The following RASSF1 variants were observed in gnomAD, a reference collection of about 807,000 sequenced individuals.
RASSF1 encodes the protein Ras association domain family member 1.
A neutral mutation model predicts 34.3 loss-of-function variants in RASSF1; 33 were observed. The observed-to-expected ratio is 0.96, with a 90% CI of 0.73 to 1.29. The LOEUF is 1.29. RASSF1 is among the 50% of genes most tolerant of loss of function. The probability of loss-of-function intolerance (pLI) is 0.00; values close to 1 mark genes in which losing one functional copy is unlikely to be tolerated. For missense variants in RASSF1, 445 were observed against 471.8 expected (o/e 0.94, Z 0.53); for synonymous variants, 191 against 195.0 (o/e 0.98, Z 0.17).
chr3:50,337,995 G>T lies in RASSF1; in HGVS notation c.267C>A (p.Cys89Ter). The change falls in exon 2 of 6, where the codon TGC becomes TGA. Residue 89 changes from cysteine to a stop codon, truncating the protein, a stop_gained. Coordinates refer to ENST00000359365, the MANE Select transcript of RASSF1 (RefSeq NM_007182.5). LOFTEE classifies it high-confidence loss of function. ...AGACGAGCGCGCGGCAGCGGTAGTG[G>T]CAGGTGAACTTGCAATCTGCAGAGA... is the stretch of plus-strand genomic sequence containing the variant. ...GLQCAHCKFT[C>*]HYRCRALVCL... is the part of the protein sequence containing the mutation. The T allele has an allele frequency of 6.3e-7, 1 of 1,596,412 alleles. No homozygotes were observed. The highest frequency in any genetic ancestry group is 8.5e-7 in the Non-Finnish European group (1 of 1,171,778).
At chr3:50,337,720 G>T in intron 2 of RASSF1, 185 bp downstream of exon 2, 1 of 838,434 alleles carries the variant, frequency 1.2e-6, no homozygotes, top group Non-Finnish European at 1.8e-6. Context: ...AGCGGGTGGA[G>T]TACTTGCGGA....
chr3:50,338,307 C>T, intron 1 of RASSF1: 1 of 956,320 alleles, frequency 1.0e-6, no homozygotes, highest in Non-Finnish European at 1.3e-6. Flanking sequence ...AAAACTGCGT[C>T]TTGCTTTTGT....
Position 50,337,980 on chromosome 3 carries a change from G to T in RASSF1, c.282C>A (p.Arg94=). The T allele has an allele frequency of 1.2e-6, 2 of 1,607,090 alleles. No homozygotes were observed. Among genetic ancestry groups the T allele is most frequent in the Non-Finnish European group, 1.7e-6 (2 of 1,176,994 alleles). Reference sequence around the variant, plus strand: ...CGCAACAGTCCAGGCAGACGAGCGCGCGGCAGCGGTAGTGGCAGGTGAACT... The same window carrying T: ...CGCAACAGTCCAGGCAGACGAGCGCTCGGCAGCGGTAGTGGCAGGTGAACT... The part of the protein sequence containing the change: ...HCKFTCHYRC[R]ALVCLDCCGP... Residue 94 remains arginine, a synonymous_variant, in exon 2 of 6, where the codon CGC becomes CGA. Coordinates refer to ENST00000359365, the MANE Select transcript of RASSF1 (RefSeq NM_007182.5).
In RASSF1 at chr3:50,331,341, T is replaced by C; in HGVS notation, c.869A>G (p.Glu290Gly). The C allele has an allele frequency of 1.3e-6, 2 of 1,585,414 alleles. No homozygotes were observed. Among genetic ancestry groups the C allele is most frequent in the Non-Finnish European group, 1.7e-6 (2 of 1,162,504 alleles). The change falls in exon 5 of 6, where the codon GAG becomes GGG. Residue 290 changes from glutamate to glycine, a missense_variant. Coordinates refer to ENST00000359365, the MANE Select transcript of RASSF1 (RefSeq NM_007182.5). ...SFVLKENDSGEVNWDAFSMPE... is the reference protein window; with the variant it reads ...SFVLKENDSGGVNWDAFSMPE... ...TAAGAACTATGTACTCACGTTCACCTCCCCAGAGTCATTTTCCTTCAGGAC... is the reference window on the plus strand; with the variant it reads ...TAAGAACTATGTACTCACGTTCACCCCCCCAGAGTCATTTTCCTTCAGGAC...
rs765311131 is a variant in RASSF1, at chr3:50,340,772, C to A, written c.34G>T (p.Glu12Ter). The A allele has an allele frequency of 5.3e-6, 8 of 1,513,350 alleles. No homozygotes were observed. The highest frequency in any genetic ancestry group is 6.1e-6 in the Non-Finnish European group (7 of 1,140,698). 93.7% of individuals were successfully genotyped at this position (1,513,350 alleles called of 1,614,324 possible). ...CCAGCGCGCCCAGCGGGTGCCAGCTCCCGCAGCTCAATGAGCTCAGGCTCC... is the reference window on the plus strand; with the variant it reads ...CCAGCGCGCCCAGCGGGTGCCAGCTACCGCAGCTCAATGAGCTCAGGCTCC... ...SGEPELIELR[E>*]LAPAGRAGKG... Residue 12 changes from glutamate (E) to a stop codon, truncating the protein, a stop_gained, in exon 1 of 6, where the codon GAG becomes TAG. Transcript: ENST00000359365. LOFTEE classifies it high-confidence loss of function.
At position 50,337,931 on chromosome 3, in the gene RASSF1, G is replaced by C; in HGVS notation, c.331C>G (p.Pro111Ala). 1.2e-6 allele frequency: 2 copies of C among 1,612,168 alleles called. No individual in the cohort carries two copies. The highest frequency in any genetic ancestry group is 1.7e-4 in the Middle Eastern group (1 of 6,056). The change falls in exon 2 of 6, where the codon CCC (proline) becomes GCC (alanine). Residue 111 changes from proline to alanine, a missense_variant. Pro to Ala is a conservative substitution (Grantham distance 27, BLOSUM62 -1). Coordinates refer to ENST00000359365, the MANE Select transcript of RASSF1 (RefSeq NM_007182.5). ...CCGPRDLGWEPAVERDTNVDE... is the reference protein window; with the variant it reads ...CCGPRDLGWEAAVERDTNVDE... ...ACGTTCGTGTCCCGCTCCACCGCGGGTTCCCAGCCCAGGTCCCGGGGCCCG... is the reference window on the plus strand; with the variant it reads ...ACGTTCGTGTCCCGCTCCACCGCGGCTTCCCAGCCCAGGTCCCGGGGCCCG...
intron 2 of RASSF1, chr3:50,337,416 GCC>G: frequency 6.3e-7 from 1 of 1,581,158 alleles, no homozygotes; most frequent in Non-Finnish European, 8.6e-7. Flanking sequence ...GTGCGCGTGC[GCC>G]CGGGCCAGAG....
Position 50,340,744 on chromosome 3 carries a change from TTCCCAGCGC to T in RASSF1, c.53_61del (p.Arg18_Lys21delinsGln). ...GGCACGCTCCAGCCGGGTGCGGCCC[TTCCCAGCGC>T]GCCCAGCGGGTGCCAGCTCCCGCAG... is the stretch of plus-strand genomic sequence containing the variant. On this transcript the variant is annotated inframe_deletion, in exon 1 of 6. Coordinates refer to ENST00000359365, the MANE Select transcript of RASSF1 (RefSeq NM_007182.5). The T allele has an allele frequency of 6.6e-7, 1 of 1,514,616 alleles. No individual in the cohort carries two copies. Among genetic ancestry groups the T allele is most frequent in the Admixed American group, 2.1e-5 (1 of 48,314 alleles). The allele number at this position is 1,514,616 out of a possible 1,614,324, so 93.8% of individuals were successfully genotyped here.
rs376980102 is a variant in RASSF1 at position 50,331,605 on chromosome 3, G to T, written c.714C>A (p.Asp238Glu). ...ALLRKFLVVD[D>E]PRKFALFERA... is the part of the protein sequence containing the mutation. ...GCTCAAAGAGTGCAAACTTGCGGGG[G>T]TCATCCACCACCAAGAACTTTCGCA... The change falls in exon 4 of 6, where the codon GAC becomes GAA. Residue 238 changes from aspartate to glutamate, a missense_variant. Coordinates refer to ENST00000359365, the MANE Select transcript of RASSF1 (RefSeq NM_007182.5). 5 of 1,604,406 alleles carry T rather than the reference G, an allele frequency of 3.1e-6. No individual in the cohort carries two copies. The highest frequency in any genetic ancestry group is 1.1e-5 in the South Asian group (1 of 90,930).
In RASSF1 at chr3:50,337,680, C is replaced by T; in HGVS notation, c.357+225G>A. ...TGCGGGAAGTGCGCGTGCGCGGAGCCTGGGTCAGCCTGGGCCCGGGTCCGC... is the reference window on the plus strand; with the variant it reads ...TGCGGGAAGTGCGCGTGCGCGGAGCTTGGGTCAGCCTGGGCCCGGGTCCGC... On this transcript the variant is annotated intron_variant, in intron 2 of 5. Transcript: ENST00000359365. 5.9e-6 allele frequency: 5 copies of T among 848,220 alleles called. No homozygotes were observed. In the South Asian group the frequency reaches 8.9e-5, roughly 15 times the overall value. 52.5% of individuals were successfully genotyped at this position (848,220 alleles called of 1,614,324 possible).
intron 1 of RASSF1, among the ~76,000 whole-genome samples, chr3:50,338,679 A>C (rs1053264641): frequency 7.9e-5 from 12 of 151,188 alleles, no homozygotes; most frequent in African/African-American, 2.4e-4. Context: ...ACCTGTCTCT[A>C]CTCCCCTCAG....
Position 50,340,802 on chromosome 3 carries a change from A to G in RASSF1, c.4T>C (p.Ser2Pro). 3.3e-6 allele frequency: 5 copies of G among 1,506,992 alleles called. No homozygotes were observed. The highest frequency in any genetic ancestry group is 2.2e-5 in the Admixed American group (1 of 46,346). 93.4% of individuals were successfully genotyped at this position (1,506,992 alleles called of 1,614,324 possible). A position where few individuals can be genotyped will look rare whatever the true frequency, so the allele number is the denominator to read the frequency against. M[S>P]GEPELIELRE... ...AGCTCAATGAGCTCAGGCTCCCCCGACATGGCCCGGTTGGGCCCGTGCTTC... is the reference window on the plus strand; with the variant it reads ...AGCTCAATGAGCTCAGGCTCCCCCGGCATGGCCCGGTTGGGCCCGTGCTTC... The change falls in exon 1 of 6, where the codon TCG (serine) becomes CCG (proline). Residue 2 changes from serine to proline, a missense_variant. Physicochemically the swap from Ser to Pro is moderately conservative, Grantham distance 74. Transcript: ENST00000359365.
Position 50,331,451 on chromosome 3 carries a change from T to C in RASSF1, c.761-2A>G, listed in dbSNP as rs1702936175. 6.3e-7 allele frequency: 1 copy of C among 1,589,240 alleles called. No homozygotes were observed. The highest frequency in any genetic ancestry group is 8.6e-7 in the Non-Finnish European group (1 of 1,163,948). ...CATCCAACAGCTTCCGCAAGTACAC[T>C]GTGAAGGGGAAGTAATGATCAGAGA... On this transcript the variant is annotated splice_acceptor_variant, in intron 4 of 5. Transcript: ENST00000359365. LOFTEE classifies it high-confidence loss of function.
chr3:50,337,240 G>A (rs1168626582), intron 2 of RASSF1: 2 of 1,613,032 alleles, frequency 1.2e-6, no homozygotes, highest in African/African-American at 1.3e-5. Flanking sequence ...CTCCGAGTCC[G>A]AGTCCTCTTG....
chr3:50,332,361 C>T (rs1335797435), intron 2 of RASSF1, among the ~76,000 whole-genome samples: 1 of 152,234 alleles, frequency 6.6e-6, no homozygotes, highest in Non-Finnish European at 1.5e-5. Context: ...AATCATTTGG[C>T]TTCTCTCTGC....
At position 50,331,666 on chromosome 3, in the gene RASSF1, G is replaced by C; in HGVS notation, c.653C>G (p.Ser218Ter). 6.2e-7 allele frequency: 1 copy of C among 1,613,106 alleles called. No individual in the cohort carries two copies. Among genetic ancestry groups the C allele is most frequent in the Non-Finnish European group, 8.5e-7 (1 of 1,179,170 alleles). The change falls in exon 4 of 6, where the codon TCA becomes TGA. Residue 218 changes from serine (S) to a stop codon, truncating the protein, a stop_gained. Transcript: ENST00000359365. LOFTEE classifies it high-confidence loss of function. ...AATGACTTCACGTGCCCTTGTGCGTGACAGCACATGCAGGTGCTTGACAGC... is the reference window on the plus strand; with the variant it reads ...AATGACTTCACGTGCCCTTGTGCGTCACAGCACATGCAGGTGCTTGACAGC... ...KDAVKHLHVL[S>*]RTRAREVIEA... is the part of the protein sequence containing the mutation.
intron 1 of RASSF1, chr3:50,338,234 G>C: frequency 7.3e-7 from 1 of 1,375,198 alleles, no homozygotes. Context: ...TCAACAGTTG[G>C]ATCTCTATCG....
intron 1 of RASSF1, among the ~76,000 whole-genome samples, chr3:50,340,252 C>T (rs1174326220): frequency 6.6e-6 from 1 of 152,144 alleles, no homozygotes; most frequent in South Asian, 2.1e-4. Context: ...AAGATGGACT[C>T]CGAGGACAGT....
At chr3:50,333,515 C>T (rs1354129035) in intron 2 of RASSF1, among the ~76,000 whole-genome samples, 3 of 151,606 alleles carry the variant, frequency 2.0e-5, no homozygotes, top group East Asian at 1.9e-4. Flanking sequence ...CTCACTCTGT[C>T]GCCCAGGCTG....
Sources: gnomAD v4.1 joint callset for allele counts (sites outside exome capture counted in the v4.1 genomes callset) on GRCh38, gnomAD v4.1.1 for gene constraint, MANE v1.5 for transcripts, NCBI Gene and HGNC (gene_info 2026-07-23, HGNC 2026-07-21) for gene names.